Variants in TSHZ2 observed in about 807,000 individuals in gnomAD.
TSHZ2 encodes the protein teashirt homolog 2.
TSHZ2 carries 21 observed loss-of-function variants against 74.4 expected under a neutral mutation model. That is an observed-to-expected ratio of 0.28 (90% CI 0.20 to 0.41). The LOEUF is 0.41. Among genes scored for constraint, TSHZ2 ranks in the 10% least tolerant of loss-of-function variants. The pLI, the probability that TSHZ2 is intolerant of heterozygous loss-of-function variation, is 1.00. For missense variants in TSHZ2, 1,244 were observed against 1,293.5 expected, an observed-to-expected ratio of 0.96 and a Z score of 0.59; for synonymous variants, 540 against 515.3, an observed-to-expected ratio of 1.05 and a Z score of -0.65.
At chr20:53,444,239 C>T (rs959210294) in intron 2 of TSHZ2, among the ~76,000 whole-genome samples, 1 of 152,170 alleles carries the variant, frequency 6.6e-6, no homozygotes, top group African/African-American at 2.4e-5. Context: ...GGTTCTCTGT[C>T]GCACATTCTA....
At chr20:53,460,347 T>C (rs1985305540) in intron 2 of TSHZ2, among the ~76,000 whole-genome samples, 1 of 152,206 alleles carries the variant, frequency 6.6e-6, no homozygotes, top group Non-Finnish European at 1.5e-5. Flanking sequence ...CATCGGCTCC[T>C]GAGGCTTCTG....
At chr20:53,062,507 G>A (rs1984854136) in intron 1 of TSHZ2, among the ~76,000 whole-genome samples, 1 of 152,198 alleles carries the variant, frequency 6.6e-6, no homozygotes, top group Non-Finnish European at 1.5e-5. Context: ...GTGTTTACAA[G>A]TGTTAGTGTT....
chr20:53,314,906 G>C (rs979741091), intron 2 of TSHZ2, among the ~76,000 whole-genome samples: 1 of 152,186 alleles, frequency 6.6e-6, no homozygotes. Context: ...ACAGGCGTGA[G>C]CCACCACACC....
intron 2 of TSHZ2, among the ~76,000 whole-genome samples, chr20:53,325,766 T>C (rs1979464946): frequency 6.6e-6 from 1 of 152,084 alleles, no homozygotes; most frequent in African/African-American, 2.4e-5. Flanking sequence ...TCCCGGCTAC[T>C]TTAGTATCTT....
intron 1 of TSHZ2, among the ~76,000 whole-genome samples, chr20:53,067,132 C>T (rs1216998355): frequency 2.0e-5 from 3 of 152,140 alleles, no homozygotes; most frequent in Non-Finnish European, 4.4e-5. Flanking sequence ...TTTATGACAA[C>T]GTGAATAGTT....
intron 1 of TSHZ2, among the ~76,000 whole-genome samples, chr20:53,235,384 G>A (rs542741783): frequency 3.3e-5 from 5 of 151,856 alleles, no homozygotes; most frequent in African/African-American, 1.2e-4. Flanking sequence ...TGGCCATGCT[G>A]GTCTCAAACT....
intron 2 of TSHZ2, among the ~76,000 whole-genome samples, chr20:53,452,598 C>CAAAA (rs11313655): frequency 1.6e-4 from 19 of 121,292 alleles, no homozygotes; most frequent in Middle Eastern, 4.1e-3. Context: ...GACTCTGTCT[C>CAAAA]AAAAAAAAAA....
At chr20:53,334,573 G>A (rs539737899) in intron 2 of TSHZ2, among the ~76,000 whole-genome samples, 6 of 152,296 alleles carry the variant, frequency 3.9e-5, no homozygotes, top group Admixed American at 3.3e-4. Context: ...TCCAGTGTGC[G>A]GCCAAGGGGA....
chr20:53,330,708 G>A (rs1200056372), intron 2 of TSHZ2, among the ~76,000 whole-genome samples: 1 of 152,208 alleles, frequency 6.6e-6, no homozygotes, highest in African/African-American at 2.4e-5. Flanking sequence ...CAGAAAATGT[G>A]TGCATGAAAT....
chr20:53,448,106 G>A (rs779031502), intron 2 of TSHZ2, among the ~76,000 whole-genome samples: 6 of 152,052 alleles, frequency 3.9e-5, no homozygotes, highest in Non-Finnish European at 7.4e-5. Context: ...GTAGAGATGG[G>A]GTTTCACCGT....
chr20:53,178,611 TTAAAA>T (rs1402259790), intron 1 of TSHZ2: 8 of 152,198 alleles, frequency 5.3e-5, no homozygotes, highest in South Asian at 4.1e-4. Context: ...CATGTGGAAA[TTAAAA>T]TAAGGTGATT....
At chr20:53,008,562 T>G (rs1168768365) in intron 1 of TSHZ2, among the ~76,000 whole-genome samples, 1 of 152,146 alleles carries the variant, frequency 6.6e-6, no homozygotes, top group Non-Finnish European at 1.5e-5. Flanking sequence ...ATCACCTTTT[T>G]TTTTTTTTTA....
intron 2 of TSHZ2, among the ~76,000 whole-genome samples, chr20:53,343,364 C>T (rs1420676956): frequency 6.6e-6 from 1 of 152,200 alleles, no homozygotes; most frequent in Non-Finnish European, 1.5e-5. Context: ...CTTTCCGGAA[C>T]AAACACGGTA....
chr20:53,133,645 C>T (rs564371164), intron 1 of TSHZ2, among the ~76,000 whole-genome samples: 16 of 152,252 alleles, frequency 1.1e-4, no homozygotes, highest in African/African-American at 3.9e-4. Flanking sequence ...TATGTATATT[C>T]AGTGTTCCAA....
chr20:53,251,361 TTAA>T (rs992470513), intron 1 of TSHZ2, among the ~76,000 whole-genome samples: 14 of 152,252 alleles, frequency 9.2e-5, no homozygotes, highest in African/African-American at 3.1e-4. Flanking sequence ...ATTTAGTTTA[TTAA>T]TTTTATAACA....
At chr20:53,031,943 A>G (rs62207362) in intron 1 of TSHZ2, among the ~76,000 whole-genome samples, 6,495 of 152,216 alleles carry the variant, frequency 0.043, 198 homozygotes, top group Non-Finnish European at 0.068. Flanking sequence ...AGAGGAAAGG[A>G]AGAAAGGAAG....
chr20:53,114,658 G>T (rs994993955), intron 1 of TSHZ2, among the ~76,000 whole-genome samples: 2 of 149,984 alleles, frequency 1.3e-5, no homozygotes. Flanking sequence ...CGCCACTCTG[G>T]ATCTTCCCCA....
chr20:53,172,763 G>C (rs1449933181), intron 1 of TSHZ2, among the ~76,000 whole-genome samples: 3 of 152,220 alleles, frequency 2.0e-5, no homozygotes, highest in Non-Finnish European at 4.4e-5. Flanking sequence ...GGGAAAGCCA[G>C]GATCTGTGCC....
At chr20:53,408,034 GGTT>G (rs1322433552) in intron 2 of TSHZ2, among the ~76,000 whole-genome samples, 1 of 152,154 alleles carries the variant, frequency 6.6e-6, no homozygotes, top group Non-Finnish European at 1.5e-5. Flanking sequence ...TGATTTAAGG[GGTT>G]GTTAACAAAC....
Sources: gnomAD v4.1 joint callset for allele counts (sites outside exome capture counted in the v4.1 genomes callset) on GRCh38, gnomAD v4.1.1 for gene constraint, MANE v1.5 for transcripts, NCBI Gene and HGNC (gene_info 2026-07-23, HGNC 2026-07-21) for gene names.